The following ATRNL1 variants were observed in gnomAD, a reference collection of about 807,000 sequenced individuals.
The protein encoded by ATRNL1 is attractin-like protein 1.
A neutral mutation model predicts 182.7 loss-of-function variants in ATRNL1; 95 were observed. The observed-to-expected ratio is 0.52, with a 90% CI of 0.44 to 0.62. The LOEUF (loss-of-function observed/expected upper bound fraction) is 0.62, where lower values mean the gene tolerates loss of function less well. Ranked by LOEUF, ATRNL1 falls within the 20% of genes least tolerant of loss-of-function variation. ATRNL1 has a pLI of 0.00. For synonymous variants in ATRNL1, 576 were observed against 568.3 expected (o/e 1.01, Z -0.19); for missense variants, 1,471 against 1,679.5 (o/e 0.88, Z 2.17).
At chr10:115,131,070 T>C (rs1554875049) in intron 5 of ATRNL1, among the ~76,000 whole-genome samples, 1 of 152,098 alleles carries the variant, frequency 6.6e-6, no homozygotes, top group Non-Finnish European at 1.5e-5. Flanking sequence ...CCTTTTCATA[T>C]CCTATTATTC....
At chr10:115,377,239 C>T (rs894610484) in intron 19 of ATRNL1, among the ~76,000 whole-genome samples, 46 of 152,128 alleles carry the variant, frequency 3.0e-4, no homozygotes, top group African/African-American at 4.8e-4. Context: ...TGAATCACGA[C>T]GGCAGTTTTT....
chr10:115,744,981 T>C (rs1948248615), intron 27 of ATRNL1, among the ~76,000 whole-genome samples: 3 of 152,162 alleles, frequency 2.0e-5, no homozygotes, highest in Admixed American at 2.0e-4. Context: ...TCTACAAGTG[T>C]GTGCAGTCAT....
chr10:115,535,281 A>T (rs1452456090), intron 25 of ATRNL1, among the ~76,000 whole-genome samples: 3 of 152,036 alleles, frequency 2.0e-5, no homozygotes, highest in Admixed American at 2.0e-4. Flanking sequence ...ACATAATCCC[A>T]TATTTCTTGG....
At chr10:115,127,017 G>A (rs1436871739) in intron 3 of ATRNL1, among the ~76,000 whole-genome samples, 3 of 152,068 alleles carry the variant, frequency 2.0e-5, no homozygotes, top group Non-Finnish European at 4.4e-5. Flanking sequence ...ATATATTAAT[G>A]CAATTTGCAT....
intron 8 of ATRNL1, among the ~76,000 whole-genome samples, chr10:115,212,917 A>G (rs1459071008): frequency 6.6e-6 from 1 of 152,114 alleles, no homozygotes; most frequent in African/African-American, 2.4e-5. Context: ...TACTTGGGTG[A>G]TGAAATAATC....
chr10:115,651,062 C>T (rs902038386), intron 26 of ATRNL1, among the ~76,000 whole-genome samples: 3 of 152,086 alleles, frequency 2.0e-5, no homozygotes, highest in East Asian at 1.9e-4. Flanking sequence ...TTGAATGTTC[C>T]GCTGACTTGC....
At chr10:115,639,558 G>A (rs1402531146) in intron 26 of ATRNL1, among the ~76,000 whole-genome samples, 1 of 152,104 alleles carries the variant, frequency 6.6e-6, no homozygotes, top group African/African-American at 2.4e-5. Flanking sequence ...AAGTTGAGAA[G>A]GTAAAGGTAA....
At chr10:115,525,548 C>T (rs1385392218) in intron 25 of ATRNL1, among the ~76,000 whole-genome samples, 1 of 152,188 alleles carries the variant, frequency 6.6e-6, no homozygotes, top group Non-Finnish European at 1.5e-5. Context: ...CATAGTTTGT[C>T]CTCTGAGTCC....
chr10:115,856,920 A>G (rs1159351183), intron 28 of ATRNL1, among the ~76,000 whole-genome samples: 1 of 152,010 alleles, frequency 6.6e-6, no homozygotes, highest in Non-Finnish European at 1.5e-5. Flanking sequence ...CTTGAACAAC[A>G]TGGGTTTGAA....
intron 18 of ATRNL1, among the ~76,000 whole-genome samples, chr10:115,316,957 G>A (rs1854329931): frequency 6.6e-6 from 1 of 152,132 alleles, no homozygotes; most frequent in African/African-American, 2.4e-5. Context: ...TGTTGCAGCT[G>A]CTTTTGGGAT....
chr10:115,328,375 G>A (rs1232352949), intron 18 of ATRNL1, among the ~76,000 whole-genome samples: 26 of 152,052 alleles, frequency 1.7e-4, no homozygotes, highest in African/African-American at 5.6e-4. Context: ...TATAATGGTC[G>A]AATCATGGTA....
intron 6 of ATRNL1, 136 bp downstream of exon 6, chr10:115,160,350 G>A: frequency 7.2e-6 from 5 of 699,150 alleles, no homozygotes; most frequent in Non-Finnish European, 1.2e-5. Flanking sequence ...AGACTGATTT[G>A]TGAATACATG....
chr10:115,914,733 G>C (rs4336952), intron 28 of ATRNL1, among the ~76,000 whole-genome samples: 1 of 152,012 alleles, frequency 6.6e-6, no homozygotes, highest in South Asian at 2.1e-4. Flanking sequence ...TTCTTTTCCC[G>C]ATTGTTCAAC....
In ATRNL1 at chr10:115,675,955, T is replaced by A. The variant is rs532967244; in HGVS notation, c.3796-51293T>A. Among the ~76,000 whole-genome samples, 234 of 152,216 alleles carry A rather than the reference T, an allele frequency of 1.5e-3. 1 individual carries two copies. Among genetic ancestry groups the A allele is most frequent in the Non-Finnish European group, 2.1e-3 (143 of 68,004 alleles). On this transcript the variant is annotated intron_variant, in intron 26 of 28. Coordinates refer to ENST00000355044, the MANE Select transcript of ATRNL1 (RefSeq NM_207303.4). ...TCTGTCTCCAGAGCTGTGCTGGCAA[T>A]GCTCTCAGCAAGAAAGGAAGTTCCA...
intron 24 of ATRNL1, among the ~76,000 whole-genome samples, chr10:115,514,219 A>C (rs1850526155): frequency 6.6e-6 from 1 of 152,046 alleles, no homozygotes; most frequent in Admixed American, 6.6e-5. Context: ...TAATTTTGGG[A>C]GGTCCAAGTG....
chr10:115,176,976 A>G (rs550389424), intron 8 of ATRNL1, among the ~76,000 whole-genome samples: 2 of 152,232 alleles, frequency 1.3e-5, no homozygotes, highest in South Asian at 4.1e-4. Flanking sequence ...TAAAGCCAAG[A>G]GACTAGATCA....
chr10:115,746,962 G>A (rs782560009), intron 27 of ATRNL1, among the ~76,000 whole-genome samples: 1 of 151,942 alleles, frequency 6.6e-6, no homozygotes, highest in Non-Finnish European at 1.5e-5. Context: ...AAAGATGTAG[G>A]GCCAAATTAA....
intron 26 of ATRNL1, among the ~76,000 whole-genome samples, chr10:115,611,708 T>A (rs1857167181): frequency 6.6e-6 from 1 of 152,128 alleles, no homozygotes; most frequent in African/African-American, 2.4e-5. Flanking sequence ...TTTATTAATA[T>A]TAAGATGATT....
intron 3 of ATRNL1, among the ~76,000 whole-genome samples, chr10:115,123,476 A>G (rs572484514): frequency 1.6e-4 from 24 of 152,324 alleles, no homozygotes; most frequent in African/African-American, 5.3e-4. Context: ...ATATGTTTGA[A>G]TTACTTCAAT....
Sources: allele counts gnomAD v4.1 joint callset (sites outside exome capture counted in the v4.1 genomes callset), GRCh38; gene constraint gnomAD v4.1.1; transcripts MANE v1.5; gene names NCBI Gene and HGNC (gene_info 2026-07-23, HGNC 2026-07-21).